PMS1: variants seen among roughly 807,000 people sequenced by gnomAD.
PMS1 encodes the protein PMS1 homolog 1, mismatch repair system component.
In PMS1, 79 loss-of-function variants were observed where a neutral mutation model predicts 93.1. The ratio of observed to expected loss-of-function variants is 0.85; its 90% CI spans 0.71 to 1.02. The LOEUF is 1.02. Among genes scored for constraint, PMS1 ranks in the 50% least tolerant of loss-of-function variants. PMS1 has a pLI of 0.00. For synonymous variants in PMS1, 335 were observed against 363.4 expected (o/e 0.92, Z 0.89); for missense variants, 1,064 against 1,085.3 (o/e 0.98, Z 0.28).
At chr2:189,802,582 A>G (rs1253457506) in intron 3 of PMS1, among the ~76,000 whole-genome samples, 1 of 152,194 alleles carries the variant, frequency 6.6e-6, no homozygotes, top group Non-Finnish European at 1.5e-5. Context: ...GAGATAATAT[A>G]GGATCTGTAG....
At chr2:189,810,204 A>G (rs1331657771) in intron 4 of PMS1, among the ~76,000 whole-genome samples, 1 of 152,224 alleles carries the variant, frequency 6.6e-6, no homozygotes, top group African/African-American at 2.4e-5. Flanking sequence ...ATAAGAAGAC[A>G]TGGAGTGTAA....
At chr2:189,787,840 A>G (rs1297169189) in intron 1 of PMS1, among the ~76,000 whole-genome samples, 1 of 152,182 alleles carries the variant, frequency 6.6e-6, no homozygotes, top group Non-Finnish European at 1.5e-5. Context: ...TCATATGCTT[A>G]TGAATTTGGT....
intron 4 of PMS1, among the ~76,000 whole-genome samples, chr2:189,810,475 AG>A (rs772580272): frequency 2.0e-5 from 3 of 152,202 alleles, no homozygotes; most frequent in Non-Finnish European, 2.9e-5. Context: ...TCTACAAATA[AG>A]GGAGCTTTTA....
chr2:189,874,605 A>G (rs1422908737), intron 12 of PMS1, among the ~76,000 whole-genome samples: 1 of 152,198 alleles, frequency 6.6e-6, no homozygotes, highest in African/African-American at 2.4e-5. Flanking sequence ...AACTCTAATG[A>G]AGTTTTTCTC....
At chr2:189,790,344 C>G (rs914572460) in intron 1 of PMS1, among the ~76,000 whole-genome samples, 2 of 152,152 alleles carry the variant, frequency 1.3e-5, no homozygotes, top group African/African-American at 4.8e-5. Context: ...CATTCTCAGC[C>G]AACATTACAC....
At chr2:189,865,547 T>C (rs772039042) in intron 10 of PMS1, among the ~76,000 whole-genome samples, 1 of 152,204 alleles carries the variant, frequency 6.6e-6, no homozygotes, top group Non-Finnish European at 1.5e-5. Context: ...AACCTTTCCA[T>C]GCAATGGTGC....
chr2:189,870,875 G>A (rs1477720979), intron 11 of PMS1, among the ~76,000 whole-genome samples: 5 of 152,058 alleles, frequency 3.3e-5, no homozygotes, highest in Admixed American at 6.6e-5. Context: ...AACTCATTTC[G>A]TTTCCACTGT....
At chr2:189,803,674 G>A (rs1374458186) in intron 3 of PMS1, among the ~76,000 whole-genome samples, 1 of 152,170 alleles carries the variant, frequency 6.6e-6, no homozygotes, top group East Asian at 1.9e-4. Context: ...CAGACACAGG[G>A]TCATATGATG....
intron 4 of PMS1, among the ~76,000 whole-genome samples, chr2:189,813,897 C>T (rs2051050498): frequency 6.6e-6 from 1 of 152,048 alleles, no homozygotes; most frequent in Non-Finnish European, 1.5e-5. Context: ...TTACAACTTC[C>T]ATGAAAAGAA....
chr2:189,875,257 C>G lies in PMS1; in HGVS notation c.2634+1601C>G, dbSNP rs5743198. On this transcript the variant is annotated intron_variant, in intron 12 of 12. Coordinates refer to ENST00000441310, the MANE Select transcript of PMS1 (RefSeq NM_000534.5). ...TGACATTGGTAACCTTGAAGAGAAT[C>G]GTAATGGCAAAGTACAATTGTCCTT... 4.7e-5 allele frequency among the ~76,000 whole-genome samples: 7 copies of G among 150,296 alleles called. No homozygotes were observed. The South Asian group carries it at 8.6e-4, about 18-fold the overall frequency.
At chr2:189,857,798 T>C (rs1028039366) in intron 9 of PMS1, among the ~76,000 whole-genome samples, 2 of 152,050 alleles carry the variant, frequency 1.3e-5, no homozygotes, top group African/African-American at 4.8e-5. Context: ...GTTTTAAATA[T>C]AAGGAATTAG....
chr2:189,834,381 G>A (rs1006721509), intron 5 of PMS1, among the ~76,000 whole-genome samples: 2 of 152,180 alleles, frequency 1.3e-5, no homozygotes, highest in African/African-American at 4.8e-5. Flanking sequence ...TATCTTACAT[G>A]GGAATGTGTA....
At chr2:189,810,188 T>C (rs1050856128) in intron 4 of PMS1, among the ~76,000 whole-genome samples, 5 of 152,228 alleles carry the variant, frequency 3.3e-5, no homozygotes, top group African/African-American at 9.6e-5. Context: ...AGTTTGAAGA[T>C]GATAGATAAG....
Position 189,854,389 on chromosome 2 carries a change from G to A in PMS1, c.1117G>A (p.Val373Met), listed in dbSNP as rs2055101436. ...AGAAACAGATGTGCTTTTTAATAAA[G>A]TGGAATCATCTGGAAAGAATTATTC... ...TAETDVLFNKVESSGKNYSNV... is the reference protein window; with the variant it reads ...TAETDVLFNKMESSGKNYSNV... The change falls in exon 9 of 13, where the codon GTG (valine) becomes ATG (methionine). Residue 373 changes from valine to methionine, a missense_variant. Val to Met is a conservative substitution (Grantham distance 21, BLOSUM62 1). Coordinates refer to ENST00000441310, the MANE Select transcript of PMS1 (RefSeq NM_000534.5). 31 of 1,602,192 alleles carry A rather than the reference G, an allele frequency of 1.9e-5. No homozygotes were observed. Among genetic ancestry groups the A allele is most frequent in the Non-Finnish European group, 2.6e-5 (31 of 1,172,698 alleles).
At chr2:189,853,638 C>T (rs891570503) in intron 7 of PMS1, among the ~76,000 whole-genome samples, 2 of 151,758 alleles carry the variant, frequency 1.3e-5, no homozygotes, top group Non-Finnish European at 2.9e-5. Context: ...GCCTCATCCT[C>T]CCAAGTATCT....
chr2:189,824,302 A>G (rs535246237), intron 5 of PMS1, among the ~76,000 whole-genome samples: 45 of 152,182 alleles, frequency 3.0e-4, no homozygotes, highest in African/African-American at 1.0e-3. Context: ...ATTGTACCAG[A>G]TTTGTCAAAT....
At chr2:189,806,771 A>G (rs1027952942) in intron 4 of PMS1, 4 of 200,198 alleles carry the variant, frequency 2.0e-5, no homozygotes, top group African/African-American at 9.2e-5. Context: ...TCAGTTTCAC[A>G]TATCTCCTTT....
At chr2:189,796,534 TC>T (rs1164142495) in intron 3 of PMS1, among the ~76,000 whole-genome samples, 1 of 152,092 alleles carries the variant, frequency 6.6e-6, no homozygotes, top group South Asian at 2.1e-4. Context: ...TAATGCCTTT[TC>T]CCCCCATCCC....
In PMS1 at chr2:189,867,872, A is replaced by G; in HGVS notation, c.2416A>G (p.Thr806Ala). Residue 806 changes from threonine (T) to alanine (A), a missense_variant, in exon 11 of 13, where the codon ACT becomes GCT. Transcript: ENST00000441310. ...TADDQRYSGS[T>A]YLSDPRLTAN... ...AGATGACCAAAGATACAGTGGATCA[A>G]CTTACCTGTCTGATCCTCGTCTTAC... 6.3e-7 allele frequency: 1 copy of G among 1,596,058 alleles called. No homozygotes were observed. Among genetic ancestry groups the G allele is most frequent in the African/African-American group, 1.3e-5 (1 of 74,686 alleles).
Sources: allele counts gnomAD v4.1 joint callset (sites outside exome capture counted in the v4.1 genomes callset), GRCh38; gene constraint gnomAD v4.1.1; transcripts MANE v1.5; gene names NCBI Gene and HGNC (gene_info 2026-07-23, HGNC 2026-07-21).